The following GPC5 variants were observed in gnomAD, a reference collection of about 807,000 sequenced individuals.
The protein encoded by GPC5 is glypican-5.
Under a neutral mutation model 53.9 loss-of-function variants are expected in GPC5, and 47 were observed. The observed-to-expected ratio is 0.87, with a 90% CI of 0.69 to 1.11. GPC5 has a LOEUF of 1.11. GPC5 is among the 50% of genes most tolerant of loss of function. GPC5 has a pLI of 0.00. For missense variants in GPC5, 748 were observed against 713.1 expected (o/e 1.05, Z -0.56); for synonymous variants, 286 against 263.3 (o/e 1.09, Z -0.84).
At chr13:92,704,084 C>G (rs1594435833) in intron 7 of GPC5, among the ~76,000 whole-genome samples, 1 of 152,044 alleles carries the variant, frequency 6.6e-6, no homozygotes, top group African/African-American at 2.4e-5. Context: ...GGATGACACA[C>G]TGAAGTCATT....
intron 1 of GPC5, among the ~76,000 whole-genome samples, chr13:91,419,930 A>G (rs1426237502): frequency 1.3e-5 from 2 of 152,194 alleles, no homozygotes; most frequent in African/African-American, 4.8e-5. Flanking sequence ...ACTGTTAGTT[A>G]TGTCACAGTT....
chr13:92,371,883 G>A (rs1305493998), intron 7 of GPC5, among the ~76,000 whole-genome samples: 1 of 152,178 alleles, frequency 6.6e-6, no homozygotes. Flanking sequence ...AGAAATAGCA[G>A]CAGGGTCTCA....
chr13:92,721,545 G>A (rs1046063661), intron 7 of GPC5: 1 of 152,014 alleles, frequency 6.6e-6, no homozygotes, highest in African/African-American at 2.4e-5. Flanking sequence ...AGGATCCCTT[G>A]CTGTCAGACA....
chr13:91,405,035 A>G (rs1399992858), intron 1 of GPC5, among the ~76,000 whole-genome samples: 33 of 152,210 alleles, frequency 2.2e-4, no homozygotes, highest in Non-Finnish European at 5.9e-5. Flanking sequence ...TATTGGATTA[A>G]ATCTCTGTAG....
intron 5 of GPC5, among the ~76,000 whole-genome samples, chr13:91,786,749 T>A (rs1344732275): frequency 6.6e-6 from 1 of 152,196 alleles, no homozygotes; most frequent in Admixed American, 6.5e-5. Flanking sequence ...AATTCAGGAT[T>A]GAAGTTCATT....
chr13:92,584,743 G>C (rs946691219), intron 7 of GPC5, among the ~76,000 whole-genome samples: 1 of 152,074 alleles, frequency 6.6e-6, no homozygotes, highest in East Asian at 1.9e-4. Flanking sequence ...AGGAGAAAAT[G>C]GTTTCCTGGG....
chr13:92,596,884 A>G (rs1037069971), intron 7 of GPC5, among the ~76,000 whole-genome samples: 2 of 152,312 alleles, frequency 1.3e-5, no homozygotes, highest in Admixed American at 6.5e-5. Flanking sequence ...AGAAAATTGA[A>G]TAACTTAAAG....
chr13:92,756,174 T>A (rs1429126054), intron 7 of GPC5, among the ~76,000 whole-genome samples: 13 of 152,100 alleles, frequency 8.5e-5, no homozygotes, highest in Admixed American at 3.9e-4. Flanking sequence ...GGCTGGTTCA[T>A]TATATGCAAA....
At chr13:91,978,219 T>A (rs2040325121) in intron 6 of GPC5, among the ~76,000 whole-genome samples, 4 of 152,204 alleles carry the variant, frequency 2.6e-5, no homozygotes, top group Admixed American at 2.6e-4. Context: ...AGGTACAATT[T>A]TGCCTCCTCA....
intron 6 of GPC5, among the ~76,000 whole-genome samples, chr13:91,933,525 G>A (rs1488154033): frequency 1.3e-5 from 2 of 151,822 alleles, no homozygotes; most frequent in Admixed American, 6.6e-5. Flanking sequence ...ACTATTTTAT[G>A]TATTCATCTC....
chr13:91,931,933 G>A (rs1262805837), intron 6 of GPC5, among the ~76,000 whole-genome samples: 1 of 151,898 alleles, frequency 6.6e-6, no homozygotes, highest in Non-Finnish European at 1.5e-5. Context: ...TTTCTAAGAT[G>A]CTCCCTGACT....
intron 7 of GPC5, among the ~76,000 whole-genome samples, chr13:92,145,787 G>T (rs998996231): frequency 6.6e-6 from 1 of 152,084 alleles, no homozygotes; most frequent in African/African-American, 2.4e-5. Context: ...CAAAGGCAGG[G>T]GTCACCTTCT....
At chr13:92,011,854 T>A (rs998407596) in intron 6 of GPC5, among the ~76,000 whole-genome samples, 5 of 152,252 alleles carry the variant, frequency 3.3e-5, no homozygotes, top group African/African-American at 1.2e-4. Context: ...ATTTAGAATC[T>A]GCACTACCAC....
Position 92,400,128 on chromosome 13 carries a change from G to T in GPC5, c.1561+255139G>T, listed in dbSNP as rs1594169470. ...TAAAAAGGACTGGAGTAGGAGAATT[G>T]GTGTGGAAGCAATCTTCTTAACATA... On this transcript the variant is annotated intron_variant, in intron 7 of 7. Coordinates refer to ENST00000377067, the MANE Select transcript of GPC5 (RefSeq NM_004466.6). Among the ~76,000 whole-genome samples the T allele has an allele frequency of 2.0e-5, 3 of 152,236 alleles. No homozygotes were observed. In the South Asian group the frequency reaches 6.2e-4, roughly 32 times the overall value.
intron 2 of GPC5, among the ~76,000 whole-genome samples, chr13:91,497,300 C>G (rs1884325039): frequency 7.6e-6 from 1 of 132,416 alleles, no homozygotes; most frequent in Non-Finnish European, 1.7e-5. Context: ...ATAGTTTATG[C>G]TTCAGATATT....
chr13:91,432,896 C>T (rs894175062), intron 1 of GPC5, among the ~76,000 whole-genome samples: 1 of 152,116 alleles, frequency 6.6e-6, no homozygotes, highest in Non-Finnish European at 1.5e-5. Flanking sequence ...TGATCTCATT[C>T]ATTTTGAGCT....
chr13:92,445,404 T>C (rs1162731235), intron 7 of GPC5, among the ~76,000 whole-genome samples: 2 of 151,492 alleles, frequency 1.3e-5, no homozygotes, highest in African/African-American at 4.9e-5. Context: ...CATGCTGGTG[T>C]GCTGCACCCA....
At chr13:92,427,756 C>T (rs1041660578) in intron 7 of GPC5, among the ~76,000 whole-genome samples, 1 of 152,016 alleles carries the variant, frequency 6.6e-6, no homozygotes, top group Admixed American at 6.6e-5. Flanking sequence ...AGCCCAATAA[C>T]GTTTGAAGTA....
At chr13:91,517,940 C>T (rs1885591399) in intron 2 of GPC5, among the ~76,000 whole-genome samples, 1 of 152,112 alleles carries the variant, frequency 6.6e-6, no homozygotes, top group Non-Finnish European at 1.5e-5. Flanking sequence ...TCAATTACCT[C>T]CCCCGGGCCC....
Sources: gnomAD v4.1 joint callset for allele counts (sites outside exome capture counted in the v4.1 genomes callset) on GRCh38, gnomAD v4.1.1 for gene constraint, MANE v1.5 for transcripts, NCBI Gene and HGNC (gene_info 2026-07-23, HGNC 2026-07-21) for gene names.